GABRA3: variants seen among roughly 807,000 people sequenced by gnomAD.
GABRA3 encodes gamma-aminobutyric acid receptor subunit alpha-3.
Under a neutral mutation model 30.1 loss-of-function variants are expected in GABRA3, and 10 were observed. That is an observed-to-expected ratio of 0.33 (90% confidence interval 0.20 to 0.56). The LOEUF (loss-of-function observed/expected upper bound fraction) is 0.56. GABRA3 is among the 20% of genes least tolerant of loss of function. The pLI is 0.89. For synonymous variants in GABRA3, 151 were observed against 146.8 expected (o/e 1.03, Z -0.21); for missense variants, 233 against 392.0 (o/e 0.59, Z 3.42).
intron 5 of GABRA3, among the ~76,000 whole-genome samples, chrX:152,240,114 A>C (rs1251754361): frequency 4.0e-5 from 4 of 99,336 alleles, no homozygotes; most frequent in Non-Finnish European, 7.8e-5. Flanking sequence ...TTTTGGCATG[A>C]TTTTGCAGCA....
At chrX:152,444,742 TTTTTTG>T in intron 1 of GABRA3, among the ~76,000 whole-genome samples, 2 of 80,407 alleles carry the variant, frequency 2.5e-5, no homozygotes, top group African/African-American at 8.2e-5. Context: ...GTGTTTTTTT[TTTTTTG>T]TTTTTTTTTG....
intron 3 of GABRA3, among the ~76,000 whole-genome samples, chrX:152,326,543 C>T (rs1211145510): frequency 5.4e-5 from 6 of 111,454 alleles, no homozygotes; most frequent in South Asian, 3.8e-4. Flanking sequence ...GAGTGGGGGC[C>T]GATATTCAAC....
chrX:152,169,980 T>G (rs1436748575), intron 9 of GABRA3, among the ~76,000 whole-genome samples: 1 of 111,913 alleles, frequency 8.9e-6, no homozygotes. Flanking sequence ...TTTACTATAG[T>G]GATCCTAATA....
At chrX:152,412,255 A>T (rs979843830) in intron 1 of GABRA3, among the ~76,000 whole-genome samples, 1 of 112,147 alleles carries the variant, frequency 8.9e-6, no homozygotes, top group East Asian at 2.8e-4. Context: ...GTTTAAAAAC[A>T]GTTTGGTGAG....
chrX:152,271,286 T>C (rs1011565209), intron 4 of GABRA3, among the ~76,000 whole-genome samples: 5 of 111,934 alleles, frequency 4.5e-5, no homozygotes, highest in Non-Finnish European at 9.4e-5. Flanking sequence ...TTGAATGGCT[T>C]GGACCAAAAT....
intron 7 of GABRA3, among the ~76,000 whole-genome samples, chrX:152,207,591 ATTAG>A (rs1212020701): frequency 8.9e-6 from 1 of 111,951 alleles, no homozygotes; most frequent in Non-Finnish European, 1.9e-5. Flanking sequence ...CTTTTCTGGG[ATTAG>A]TTAATGTGCC....
intron 5 of GABRA3, among the ~76,000 whole-genome samples, chrX:152,247,790 T>C (rs1187671563): frequency 9.0e-6 from 1 of 111,458 alleles, no homozygotes; most frequent in Non-Finnish European, 1.9e-5. Context: ...TATATACACA[T>C]GAACATTGCT....
intron 1 of GABRA3, among the ~76,000 whole-genome samples, chrX:152,422,961 T>C (rs998481203): frequency 9.8e-5 from 11 of 111,961 alleles, no homozygotes; most frequent in Admixed American, 2.8e-4. Flanking sequence ...TTTCAAAACA[T>C]CATGTTGTAT....
intron 9 of GABRA3, among the ~76,000 whole-genome samples, chrX:152,178,250 A>G (rs762543517): frequency 1.4e-4 from 15 of 107,069 alleles, no homozygotes; most frequent in African/African-American, 4.5e-4. Context: ...GTGTGCGTCT[A>G]TGTGTGTGTG....
intron 1 of GABRA3, among the ~76,000 whole-genome samples, chrX:152,428,718 T>C (rs1026750007): frequency 1.8e-5 from 2 of 111,632 alleles, no homozygotes; most frequent in East Asian, 5.6e-4. Flanking sequence ...CAGTGAGTTC[T>C]AAAATTGAGT....
At chrX:152,426,709 T>C (rs888809622) in intron 1 of GABRA3, among the ~76,000 whole-genome samples, 5 of 112,244 alleles carry the variant, frequency 4.5e-5, no homozygotes, top group Admixed American at 9.4e-5. Context: ...GTTGTTTCTA[T>C]GTGTCTGAGT....
At chrX:152,348,189 G>T (rs1022883430) in intron 2 of GABRA3, among the ~76,000 whole-genome samples, 1 of 110,940 alleles carries the variant, frequency 9.0e-6, no homozygotes, top group Non-Finnish European at 1.9e-5. Context: ...AAACTGCAAC[G>T]TGATCCTATA....
intron 9 of GABRA3, among the ~76,000 whole-genome samples, chrX:152,186,157 C>A (rs1160724829): frequency 1.8e-5 from 2 of 111,462 alleles, no homozygotes; most frequent in Non-Finnish European, 3.8e-5. Flanking sequence ...ACCCCAGGGA[C>A]CTCCATTCAG....
intron 4 of GABRA3, among the ~76,000 whole-genome samples, chrX:152,275,240 T>TAATATTATATATATAATTTATATATATAA (rs1569378362): frequency 6.2e-5 from 3 of 48,039 alleles, no homozygotes; most frequent in African/African-American, 3.7e-4. Flanking sequence ...TATATATATT[T>TAATATTATATATATAATTTATATATATAA]TATTATATAT....
intron 9 of GABRA3, among the ~76,000 whole-genome samples, chrX:152,174,445 A>G (rs1937046043): frequency 8.9e-6 from 1 of 111,890 alleles, no homozygotes; most frequent in Non-Finnish European, 1.9e-5. Context: ...CATCCTCTCC[A>G]GCACCTGTTG....
rs1937880064 is a variant in GABRA3 at position 152,223,461 on chromosome X, T to C, written c.634+1302A>G. 1.8e-5 allele frequency among the ~76,000 whole-genome samples: 2 copies of C among 111,116 alleles called. 1 individual carries two copies. The highest frequency in any genetic ancestry group is 6.5e-5 in the African/African-American group (2 of 30,608). Reference sequence around the variant, plus strand: ...ATTCTAATTGTTCTTCATTTTTCCTTAGAATATAATTCAAAGACCTTTAAT... The same window carrying C: ...ATTCTAATTGTTCTTCATTTTTCCTCAGAATATAATTCAAAGACCTTTAAT... On this transcript the variant is annotated intron_variant, in intron 6 of 9. Transcript: ENST00000370314.
intron 1 of GABRA3, among the ~76,000 whole-genome samples, chrX:152,428,049 C>A (rs1296940248): frequency 8.9e-6 from 1 of 112,478 alleles, no homozygotes; most frequent in African/African-American, 3.2e-5. Context: ...TATTCTTGTA[C>A]TTGCCCCTGC....
chrX:152,186,199 TTTAA>T (rs1308765600), intron 9 of GABRA3, among the ~76,000 whole-genome samples: 2 of 108,416 alleles, frequency 1.8e-5, no homozygotes, highest in Admixed American at 1.0e-4. Context: ...AGTCAATTTA[TTTAA>T]TTGTTTATTT....
chrX:152,304,562 C>T (rs1369362730), intron 3 of GABRA3, among the ~76,000 whole-genome samples: 1 of 111,671 alleles, frequency 9.0e-6, no homozygotes, highest in Non-Finnish European at 1.9e-5. Context: ...GTGTCCTTTC[C>T]CCATTGCTCA....
Sources: gnomAD v4.1 joint callset for allele counts (sites outside exome capture counted in the v4.1 genomes callset) on GRCh38, gnomAD v4.1.1 for gene constraint, MANE v1.5 for transcripts, NCBI Gene and HGNC (gene_info 2026-07-23, HGNC 2026-07-21) for gene names.